NTRK3: variants seen among roughly 807,000 people sequenced by gnomAD.
NTRK3 encodes NT-3 growth factor receptor.
In NTRK3, 24 loss-of-function variants were observed where a neutral mutation model predicts 91.7. The ratio of observed to expected loss-of-function variants is 0.26; its 90% CI spans 0.19 to 0.37. NTRK3 has a LOEUF of 0.37. Ranked by LOEUF, NTRK3 falls within the 10% of genes least tolerant of loss-of-function variation. The pLI is 1.00. For missense variants in NTRK3, 880 were observed against 1,068.9 expected (o/e 0.82, Z 2.46); for synonymous variants, 483 against 404.0 (o/e 1.20, Z -2.34).
chr15:88,082,253 G>A (rs945699588), intron 13 of NTRK3, among the ~76,000 whole-genome samples: 1 of 151,188 alleles, frequency 6.6e-6, no homozygotes, highest in Non-Finnish European at 1.5e-5. Context: ...ACTCCAGCCT[G>A]GGTGACAAAG....
At chr15:88,074,570 G>C (rs1231951027) in intron 13 of NTRK3, among the ~76,000 whole-genome samples, 1 of 152,134 alleles carries the variant, frequency 6.6e-6, no homozygotes, top group Non-Finnish European at 1.5e-5. Flanking sequence ...TCTCACCCAG[G>C]CCCTAATCAT....
At chr15:87,953,934 G>A (rs752530591) in intron 14 of NTRK3, among the ~76,000 whole-genome samples, 17 of 152,024 alleles carry the variant, frequency 1.1e-4, no homozygotes, top group Non-Finnish European at 1.9e-4. Flanking sequence ...TCCTCCGTGC[G>A]GGTTATCGAC....
chr15:87,873,730 C>G (rs990079590), exon 19 of NTRK3: 1 of 231,718 alleles, frequency 4.3e-6, no homozygotes, highest in Non-Finnish European at 8.5e-6. Flanking sequence ...AATGGACCGT[C>G]GACAGTGCTT....
chr15:87,981,189 T>C, intron 14 of NTRK3: 1 of 1,553,822 alleles, frequency 6.4e-7, no homozygotes, highest in South Asian at 1.2e-5. Flanking sequence ...GGGAGGGATC[T>C]TTACTGCATA....
intron 13 of NTRK3, among the ~76,000 whole-genome samples, chr15:88,106,467 A>C (rs1032262034): frequency 6.6e-6 from 1 of 152,256 alleles, no homozygotes; most frequent in Non-Finnish European, 1.5e-5. Flanking sequence ...GCAACGTGAA[A>C]AGAAAGAATG....
chr15:88,150,975 G>C (rs889237036), intron 5 of NTRK3, among the ~76,000 whole-genome samples: 8 of 151,950 alleles, frequency 5.3e-5, no homozygotes, highest in Admixed American at 3.9e-4. Context: ...AATTATTGAT[G>C]AGCTGGTTAC....
chr15:88,063,094 T>C (rs889994454), intron 13 of NTRK3, among the ~76,000 whole-genome samples: 1 of 152,242 alleles, frequency 6.6e-6, no homozygotes, highest in African/African-American at 2.4e-5. Flanking sequence ...GACAGATTAC[T>C]GAACTCAGCT....
chr15:88,119,363 C>G lies in NTRK3; in HGVS notation c.1396+6908G>C, dbSNP rs530529600. 1.2e-4 allele frequency among the ~76,000 whole-genome samples: 19 copies of G among 152,326 alleles called. 1 individual carries two copies. The East Asian group carries it at 3.5e-3, about 28-fold the overall frequency. On this transcript the variant is annotated intron_variant, in intron 13 of 18. Coordinates refer to ENST00000394480, the Ensembl canonical transcript of NTRK3. Reference sequence around the variant, plus strand: ...AGGAGACGCAGAAGACCCCTGGCTTCTATAAATTTATGTCCTGCCTGTGGA... The same window carrying G: ...AGGAGACGCAGAAGACCCCTGGCTTGTATAAATTTATGTCCTGCCTGTGGA...
chr15:88,008,178 C>T (rs538400046), intron 14 of NTRK3, among the ~76,000 whole-genome samples: 2 of 152,282 alleles, frequency 1.3e-5, no homozygotes, highest in South Asian at 2.1e-4. Flanking sequence ...AGAGCAAATA[C>T]ACTCCCAGAA....
exon 19 of NTRK3, chr15:87,869,173 TG>T (rs2064762730): frequency 4.4e-6 from 1 of 228,868 alleles, no homozygotes; most frequent in African/African-American, 2.2e-5. Flanking sequence ...CTCAGCATCA[TG>T]GTCAGAGAAG....
chr15:87,861,662 CA>C (rs2141371215), exon 19 of NTRK3: 1 of 195,206 alleles, frequency 5.1e-6, no homozygotes, highest in South Asian at 1.9e-4. Flanking sequence ...GTGGAAAATA[CA>C]AGACTTTGGT....
At position 88,009,785 on chromosome 15, in the gene NTRK3, G is replaced by A. The variant is rs1425121536; in HGVS notation, c.1585+23072C>T. ...ACTCAAATCCAGACTTTTCTACTAG[G>A]ACAGGTAGCCTCTACCCTTCTCTCC... On this transcript the variant is annotated intron_variant, in intron 14 of 18. Transcript: ENST00000394480. Among the ~76,000 whole-genome samples, 4 of 152,088 alleles carry A rather than the reference G, an allele frequency of 2.6e-5. No individual in the cohort carries two copies. The East Asian group carries it at 7.7e-4, about 29-fold the overall frequency.
In NTRK3 at chr15:87,885,543, G is replaced by A. The variant is rs2065487111; in HGVS notation, c.2134-5115C>T. 3 of 415,254 alleles carry A rather than the reference G, an allele frequency of 7.2e-6. No homozygotes were observed. In the Admixed American group the frequency reaches 1.3e-4, roughly 19 times the overall value. The allele number at this position is 415,254 out of a possible 1,614,324, so 25.7% of individuals were successfully genotyped here. ...AATGAACACATTGCATTTTGGCATA[G>A]GGTAGACAAATTTATTAATGGAACA... On this transcript the variant is annotated intron_variant, in intron 17 of 18. Transcript: ENST00000394480.
At chr15:87,991,548 T>G (rs2141493884) in intron 14 of NTRK3, among the ~76,000 whole-genome samples, 1 of 152,320 alleles carries the variant, frequency 6.6e-6, no homozygotes, top group East Asian at 1.9e-4. Flanking sequence ...CTTCTTGGCA[T>G]TCCCATTATT....
intron 14 of NTRK3, chr15:87,978,927 G>GT: frequency 3.1e-6 from 1 of 325,640 alleles, no homozygotes; most frequent in Non-Finnish European, 5.7e-6. Flanking sequence ...GAGCCAGGGA[G>GT]ACCCCACGCT....
At chr15:88,067,693 A>G (rs2046773651) in intron 13 of NTRK3, among the ~76,000 whole-genome samples, 1 of 152,208 alleles carries the variant, frequency 6.6e-6, no homozygotes, top group Non-Finnish European at 1.5e-5. Context: ...GGTGGGGAGA[A>G]AAGAGGCCAA....
intron 14 of NTRK3, among the ~76,000 whole-genome samples, chr15:87,990,143 T>C (rs577458474): frequency 6.6e-6 from 1 of 152,288 alleles, no homozygotes; most frequent in South Asian, 2.1e-4. Context: ...TTCAGCTAGT[T>C]GAGCGGCTTA....
intron 17 of NTRK3, among the ~76,000 whole-genome samples, chr15:87,895,377 T>C (rs2066060668): frequency 6.6e-6 from 1 of 152,240 alleles, no homozygotes; most frequent in Non-Finnish European, 1.5e-5. Context: ...GAATTTTTTA[T>C]CTTGCCCAAA....
At chr15:87,963,832 A>G (rs2072534969) in intron 14 of NTRK3, among the ~76,000 whole-genome samples, 1 of 152,230 alleles carries the variant, frequency 6.6e-6, no homozygotes, top group African/African-American at 2.4e-5. Flanking sequence ...CAAAACAGAT[A>G]TACCAAATAG....
Sources: allele counts gnomAD v4.1 joint callset (sites outside exome capture counted in the v4.1 genomes callset), GRCh38; gene constraint gnomAD v4.1.1; transcripts MANE v1.5; gene names NCBI Gene and HGNC (gene_info 2026-07-23, HGNC 2026-07-21).